The following MOB4 variants were observed in gnomAD, a reference collection of about 807,000 sequenced individuals.
MOB4 encodes the protein MOB-like protein phocein.
MOB4 carries 4 observed loss-of-function variants against 32.2 expected under a neutral mutation model. That is an observed-to-expected ratio of 0.12 (90% CI 0.06 to 0.28). The LOEUF (loss-of-function observed/expected upper bound fraction) is 0.28, where lower values mean the gene tolerates loss of function less well. MOB4 is among the 10% of genes least tolerant of loss of function. The probability of loss-of-function intolerance (pLI) is 1.00; values close to 1 mark genes in which losing one functional copy is unlikely to be tolerated. For missense variants in MOB4, 158 were observed against 271.2 expected, an observed-to-expected ratio of 0.58 and a Z score of 2.93; for synonymous variants, 88 against 88.1, an observed-to-expected ratio of 1.00 and a Z score of 0.01.
At chr2:197,528,892 C>T (rs2086653851) in intron 2 of MOB4, among the ~76,000 whole-genome samples, 1 of 152,076 alleles carries the variant, frequency 6.6e-6, no homozygotes, top group African/African-American at 2.4e-5. Context: ...GCTGGGATTA[C>T]AGGCGTGAGC....
At chr2:197,534,966 A>G (rs1211276568) in intron 2 of MOB4, among the ~76,000 whole-genome samples, 1 of 152,150 alleles carries the variant, frequency 6.6e-6, no homozygotes, top group Non-Finnish European at 1.5e-5. Flanking sequence ...TCCTGTCTCA[A>G]TAGATTTTCT....
chr2:197,542,307 G>A (rs1262999320), intron 5 of MOB4, among the ~76,000 whole-genome samples: 1 of 152,228 alleles, frequency 6.6e-6, no homozygotes, highest in Non-Finnish European at 1.5e-5. Context: ...AACTGGCCAT[G>A]TGTCAAGGGA....
At chr2:197,548,310 G>A (rs1327208220) in intron 5 of MOB4, 26 bp from the exon 6 acceptor site, 1 of 1,579,754 alleles carries the variant, frequency 6.3e-7, no homozygotes. Context: ...CTTTGTTGAT[G>A]CATTTCTATA....
intron 2 of MOB4, among the ~76,000 whole-genome samples, chr2:197,530,766 A>G (rs2086688189): frequency 6.6e-6 from 1 of 151,870 alleles, no homozygotes; most frequent in African/African-American, 2.4e-5. Flanking sequence ...ATGCCTGACT[A>G]ATTTTTATGT....
chr2:197,516,037 T>G (rs769337688), upstream of MOB4: 7 of 1,539,990 alleles, frequency 4.5e-6, no homozygotes, highest in South Asian at 6.0e-5. Flanking sequence ...CCGCGCAGGC[T>G]GCCGTCCCTA....
At chr2:197,544,082 C>T (rs1308148283) in intron 5 of MOB4, among the ~76,000 whole-genome samples, 2 of 150,918 alleles carry the variant, frequency 1.3e-5, no homozygotes, top group Non-Finnish European at 3.0e-5. Flanking sequence ...GAGTTTCGCT[C>T]TGTCGCCCAG....
intron 1 of MOB4, among the ~76,000 whole-genome samples, chr2:197,521,607 A>G (rs550170005): frequency 1.3e-5 from 2 of 152,324 alleles, no homozygotes; most frequent in Admixed American, 6.5e-5. Context: ...TTTCGACCAT[A>G]GAAGACGGCC....
chr2:197,534,420 T>C (rs1256623231), intron 2 of MOB4, among the ~76,000 whole-genome samples: 1 of 152,188 alleles, frequency 6.6e-6, no homozygotes, highest in East Asian at 1.9e-4. Flanking sequence ...GTTTTTTCTG[T>C]TAGTCATTTA....
At chr2:197,538,775 A>G (rs2086846820) in intron 3 of MOB4, among the ~76,000 whole-genome samples, 1 of 152,226 alleles carries the variant, frequency 6.6e-6, no homozygotes, top group Non-Finnish European at 1.5e-5. Flanking sequence ...ACTTACCACA[A>G]CCAGTCTTTA....
chr2:197,531,041 ATT>A (rs1373737649), intron 2 of MOB4, among the ~76,000 whole-genome samples: 2 of 148,216 alleles, frequency 1.3e-5, no homozygotes, highest in South Asian at 2.2e-4. Flanking sequence ...TTTTATTTTT[ATT>A]TTTATTTTTA....
At chr2:197,545,200 C>G (rs2086972687) in intron 5 of MOB4, among the ~76,000 whole-genome samples, 2 of 152,170 alleles carry the variant, frequency 1.3e-5, no homozygotes, top group Non-Finnish European at 2.9e-5. Flanking sequence ...AGCCATCTCT[C>G]AGTAGCCTCA....
At chr2:197,536,843 G>A (rs1004727628) in intron 3 of MOB4, among the ~76,000 whole-genome samples, 5 of 151,656 alleles carry the variant, frequency 3.3e-5, no homozygotes, top group Admixed American at 6.6e-5. Context: ...TGATCTGCCC[G>A]CCTCAGCCTC....
intron 3 of MOB4, among the ~76,000 whole-genome samples, chr2:197,538,961 C>CAA (rs2086849794): frequency 6.6e-6 from 1 of 152,140 alleles, no homozygotes; most frequent in African/African-American, 2.4e-5. Context: ...TGACCCTTGC[C>CAA]TTTTTGTTTT....
chr2:197,527,624 T>C (rs2086631734), intron 2 of MOB4, among the ~76,000 whole-genome samples: 1 of 152,212 alleles, frequency 6.6e-6, no homozygotes, highest in Non-Finnish European at 1.5e-5. Context: ...TGAGATGCGT[T>C]TTATTTCTTT....
At chr2:197,522,883 T>C (rs889819983) in intron 1 of MOB4, among the ~76,000 whole-genome samples, 3 of 151,718 alleles carry the variant, frequency 2.0e-5, no homozygotes, top group Non-Finnish European at 4.4e-5. Context: ...GGTGTGGTGG[T>C]GCGTGCCTGT....
chr2:197,523,612 T>C lies in MOB4; in HGVS notation c.61-12T>C, dbSNP rs773682236. ...TTTTGTATGTGCTTTAACCGTGAATTTATTTTTATAGGATTTCTATAATTG... is the reference window on the plus strand; with the variant it reads ...TTTTGTATGTGCTTTAACCGTGAATCTATTTTTATAGGATTTCTATAATTG... On this transcript the variant is annotated splice_polypyrimidine_tract_variant and intron_variant, in intron 1 of 7. Coordinates refer to ENST00000323303, the MANE Select transcript of MOB4 (RefSeq NM_015387.5). The C allele has an allele frequency of 3.0e-5, 48 of 1,607,204 alleles. No homozygotes were observed. The highest frequency in any genetic ancestry group is 3.8e-5 in the Non-Finnish European group (45 of 1,178,152).
At chr2:197,533,885 G>A in intron 2 of MOB4, 3 of 644,726 alleles carry the variant, frequency 4.7e-6, no homozygotes, top group Non-Finnish European at 8.8e-6. Flanking sequence ...CCATTCCCCA[G>A]TGGATTCAGA....
At position 197,535,559 on chromosome 2, in the gene MOB4, C is replaced by T. The variant is rs1217746765; in HGVS notation, c.153C>T (p.Cys51=). ...QYIQQNIRAD[C]SNIDKILEPP... ...TTCAACAGAACATAAGAGCAGATTG[C>T]TCCAATATTGACAAAATTCTTGAAC... Residue 51 remains cysteine, a synonymous_variant, in exon 3 of 8, where the codon TGC becomes TGT. Transcript: ENST00000323303. The T allele has an allele frequency of 6.2e-7, 1 of 1,612,058 alleles. No individual in the cohort carries two copies.
chr2:197,531,990 A>C (rs1574637466), intron 2 of MOB4, among the ~76,000 whole-genome samples: 1 of 151,724 alleles, frequency 6.6e-6, no homozygotes, highest in Non-Finnish European at 1.5e-5. Flanking sequence ...GCTCAGAGCA[A>C]CCTCCACCTC....
Sources: allele counts gnomAD v4.1 joint callset (sites outside exome capture counted in the v4.1 genomes callset), GRCh38; gene constraint gnomAD v4.1.1; transcripts MANE v1.5; gene names NCBI Gene and HGNC (gene_info 2026-07-23, HGNC 2026-07-21).